The following GRIK3 variants were observed in gnomAD, a reference collection of about 807,000 sequenced individuals.
GRIK3 encodes glutamate ionotropic receptor kainate type subunit 3, also known as glutamate receptor ionotropic, kainate 3.
Under a neutral mutation model 102.5 loss-of-function variants are expected in GRIK3, and 29 were observed. That is an observed-to-expected ratio of 0.28 (90% CI 0.21 to 0.39). The LOEUF is 0.39. Ranked by LOEUF, GRIK3 falls within the 10% of genes least tolerant of loss-of-function variation. GRIK3 has a pLI of 1.00. For missense variants in GRIK3, 908 were observed against 1,252.4 expected, an observed-to-expected ratio of 0.73 and a Z score of 4.15; for synonymous variants, 511 against 504.9, an observed-to-expected ratio of 1.01 and a Z score of -0.16.
At chr1:36,993,330 T>C (rs1642382041) in intron 1 of GRIK3, among the ~76,000 whole-genome samples, 1 of 152,138 alleles carries the variant, frequency 6.6e-6, no homozygotes, top group South Asian at 2.1e-4. Flanking sequence ...GCAGTGGTGC[T>C]ATAACAGCTC....
chr1:36,958,692 C>T (rs1240250261), intron 1 of GRIK3, among the ~76,000 whole-genome samples: 1 of 111,932 alleles, frequency 8.9e-6, no homozygotes, highest in African/African-American at 3.1e-5. Flanking sequence ...TGAGTCTGTG[C>T]CTTGTGACTC....
intron 1 of GRIK3, 94 bp downstream of exon 1, chr1:37,033,900 G>C: frequency 1.5e-6 from 1 of 649,866 alleles, no homozygotes; most frequent in East Asian, 3.4e-5. Context: ...CTCGGAGAGA[G>C]GTTAGGAAAA....
rs527403769 is a variant in GRIK3 at position 36,920,204 on chromosome 1, G to C, written c.116-29108C>G. Reference sequence around the variant, plus strand: ...ATGCCTCTTCTCTAGAGGGACCAGAGTCTAGTGACCTGGAACCAGACTATT... The same window carrying C: ...ATGCCTCTTCTCTAGAGGGACCAGACTCTAGTGACCTGGAACCAGACTATT... On this transcript the variant is annotated intron_variant, in intron 1 of 15. Transcript: ENST00000373091. Among the ~76,000 whole-genome samples the C allele has an allele frequency of 5.3e-5, 8 of 152,336 alleles. No homozygotes were observed. The East Asian group carries it at 1.5e-3, about 29-fold the overall frequency.
rs1383128289 is a variant in GRIK3 at position 36,880,496 on chromosome 1, A to G, written c.550+138T>C. 7 of 861,482 alleles carry G rather than the reference A, an allele frequency of 8.1e-6. No homozygotes were observed. Among genetic ancestry groups the G allele is most frequent in the Non-Finnish European group, 1.3e-5 (7 of 528,560 alleles). The allele number at this position is 861,482 out of a possible 1,614,324, so 53.4% of individuals were successfully genotyped here. On this transcript the variant is annotated intron_variant, in intron 3 of 15. Transcript: ENST00000373091. The surrounding 1 kb of genome is among the most constrained non-coding windows in gnomAD (Gnocchi z 5.4). ...AGTGGGTGCAGGGGTGAACATCAGC[A>G]TAACCGAGTGGAACTGGGGTATGGA...
intron 1 of GRIK3, among the ~76,000 whole-genome samples, chr1:36,940,596 C>A (rs1208972324): frequency 6.6e-6 from 1 of 152,224 alleles, no homozygotes; most frequent in East Asian, 1.9e-4. Flanking sequence ...ACGAGTCTTG[C>A]TGCATTGTGC....
chr1:36,975,265 A>G (rs574764775), intron 1 of GRIK3, among the ~76,000 whole-genome samples: 2 of 150,066 alleles, frequency 1.3e-5, no homozygotes, highest in South Asian at 4.2e-4. Context: ...AGGCTAAAAA[A>G]TCAATGAGCT....
intron 1 of GRIK3, among the ~76,000 whole-genome samples, chr1:37,007,864 G>A (rs1434322832): frequency 6.6e-6 from 1 of 152,232 alleles, no homozygotes; most frequent in Non-Finnish European, 1.5e-5. Context: ...GGAAAACCGA[G>A]CAGCAGCAGT....
intron 13 of GRIK3, among the ~76,000 whole-genome samples, chr1:36,812,347 CTG>C (rs1642572106): frequency 6.6e-6 from 1 of 152,126 alleles, no homozygotes; most frequent in South Asian, 2.1e-4. Context: ...TCCCTCTCAT[CTG>C]TTATGTGCTC....
chr1:36,888,540 G>A (rs943443753), intron 2 of GRIK3, among the ~76,000 whole-genome samples: 7 of 151,956 alleles, frequency 4.6e-5, no homozygotes, highest in Admixed American at 4.6e-4. Context: ...TCCCTTTCCT[G>A]CACTCTCTCC....
chr1:36,900,013 T>C (rs1054360716), intron 1 of GRIK3, among the ~76,000 whole-genome samples: 2 of 152,148 alleles, frequency 1.3e-5, no homozygotes, highest in African/African-American at 4.8e-5. Context: ...ATCAGTAAGG[T>C]TATAGTTAAA....
At chr1:36,942,730 C>T (rs1641741347) in intron 1 of GRIK3, among the ~76,000 whole-genome samples, 1 of 151,878 alleles carries the variant, frequency 6.6e-6, no homozygotes, top group South Asian at 2.1e-4. Context: ...CCATGCCTTG[C>T]CTGTAGCTGG....
At chr1:36,962,832 C>G (rs369010659) in intron 1 of GRIK3, among the ~76,000 whole-genome samples, 1 of 143,496 alleles carries the variant, frequency 7.0e-6, no homozygotes, top group Non-Finnish European at 1.5e-5. Context: ...TGCAGTGAGC[C>G]GAGATCGTGC....
At chr1:36,851,166 G>C (rs542795827) in intron 8 of GRIK3, among the ~76,000 whole-genome samples, 1 of 151,606 alleles carries the variant, frequency 6.6e-6, no homozygotes, top group African/African-American at 2.4e-5. Context: ...GGCTACTCAG[G>C]ACACTTAATC....
At chr1:36,953,217 TAGTC>T (rs1303601576) in intron 1 of GRIK3, among the ~76,000 whole-genome samples, 1 of 152,134 alleles carries the variant, frequency 6.6e-6, no homozygotes, top group African/African-American at 2.4e-5. Flanking sequence ...TCATAGCACT[TAGTC>T]AGGAGGAGCT....
chr1:36,899,470 C>T (rs1042452303), intron 1 of GRIK3, among the ~76,000 whole-genome samples: 2 of 151,842 alleles, frequency 1.3e-5, no homozygotes, highest in African/African-American at 4.8e-5. Context: ...TTAGAGTAGC[C>T]AAAATCAGAG....
intron 1 of GRIK3, among the ~76,000 whole-genome samples, chr1:36,903,918 C>T (rs1641257609): frequency 1.3e-5 from 2 of 151,732 alleles, no homozygotes; most frequent in Non-Finnish European, 2.9e-5. Flanking sequence ...TAGTCAAAGC[C>T]CACAGAATGT....
At chr1:36,946,010 A>G (rs1342812829) in intron 1 of GRIK3, among the ~76,000 whole-genome samples, 3 of 152,178 alleles carry the variant, frequency 2.0e-5, no homozygotes, top group Non-Finnish European at 4.4e-5. Context: ...GAGCCAGGGG[A>G]CACCCATGAG....
Position 36,853,732 on chromosome 1 carries a change from G to A in GRIK3, c.1105-10C>T. 8 of 1,502,528 alleles carry A rather than the reference G, an allele frequency of 5.3e-6. No homozygotes were observed. The highest frequency in any genetic ancestry group is 6.5e-6 in the Non-Finnish European group (7 of 1,078,000). The allele number at this position is 1,502,528 out of a possible 1,614,324, so 93.1% of individuals were successfully genotyped here. On this transcript the variant is annotated splice_polypyrimidine_tract_variant and intron_variant, in intron 7 of 15. Transcript: ENST00000373091. ...ATCCTTCCCATTGAGCCTGCGGAGG[G>A]GAGAGGGCAGAGCGGCAATTCCTCG...
chr1:36,920,368 T>G (rs1641453395), intron 1 of GRIK3, among the ~76,000 whole-genome samples: 1 of 152,166 alleles, frequency 6.6e-6, no homozygotes, highest in Admixed American at 6.5e-5. Flanking sequence ...ACAAGAATCC[T>G]TTGGCCCAGG....
Sources: allele counts gnomAD v4.1 joint callset (sites outside exome capture counted in the v4.1 genomes callset), GRCh38; gene constraint gnomAD v4.1.1; non-coding constraint Gnocchi (gnomAD v3.1); transcripts MANE v1.5; gene names NCBI Gene and HGNC (gene_info 2026-07-23, HGNC 2026-07-21).